ZNF320: variants seen among roughly 807,000 people sequenced by gnomAD.
ZNF320 encodes zinc finger gene 320.
A neutral mutation model predicts 6.8 loss-of-function variants in ZNF320; 2 were observed. That is an observed-to-expected ratio of 0.29 (90% CI 0.12 to 0.93). ZNF320 has a LOEUF of 0.93. Ranked by LOEUF, ZNF320 falls within the 40% of genes least tolerant of loss-of-function variation. ZNF320 has a pLI of 0.55. For synonymous variants in ZNF320, 208 were observed against 203.2 expected (o/e 1.02, Z -0.20); for missense variants, 472 against 611.0 (o/e 0.77, Z 2.40).
chr19:52,873,089 G>T (rs1453192680), downstream of ZNF320, among the ~76,000 whole-genome samples: 1 of 151,948 alleles, frequency 6.6e-6, no homozygotes, highest in Non-Finnish European at 1.5e-5. Flanking sequence ...ATGTACAATC[G>T]GGTTTTACAC....
chr19:52,896,029 C>T (rs1234254519), intron 1 of ZNF320, among the ~76,000 whole-genome samples: 2 of 152,134 alleles, frequency 1.3e-5, no homozygotes, highest in East Asian at 1.9e-4. Context: ...ATTTTGAACT[C>T]ATATCATAGT....
downstream of ZNF320, among the ~76,000 whole-genome samples, chr19:52,860,062 G>A (rs1207180873): frequency 1.6e-4 from 25 of 151,862 alleles, no homozygotes; most frequent in Non-Finnish European, 2.8e-4. Context: ...ACAGGCGCCC[G>A]CCACCACGCC....
At chr19:52,865,477 T>TATATATATATATATATGTAATAC (rs1568692755) in intron 5 of ZNF320, 1 of 43,986 alleles carries the variant, frequency 2.3e-5, no homozygotes, top group African/African-American at 8.2e-5. Context: ...ATATTACATA[T>TATATATATATATATATGTAATAC]ATATATAATA....
Position 52,887,833 on chromosome 19 carries a change from C to A in ZNF320, c.142+294G>T, listed in dbSNP as rs575622336. On this transcript the variant is annotated intron_variant, in intron 5 of 5. Transcript: ENST00000682928. ...AACTCCTGACCTGAAGTGATCCACA[C>A]ACCTCAGTCTCCCAAGGTTCTGGGA... 7.3e-4 allele frequency among the ~76,000 whole-genome samples: 111 copies of A among 152,222 alleles called. 3 individuals carry two copies. In the South Asian group the frequency reaches 0.023, roughly 32 times the overall value.
At chr19:52,883,877 C>A (rs1422871799) in intron 5 of ZNF320, among the ~76,000 whole-genome samples, 1 of 152,146 alleles carries the variant, frequency 6.6e-6, no homozygotes, top group East Asian at 1.9e-4. Flanking sequence ...CTAGCCTGGG[C>A]AACAAGATGA....
exon 6 of ZNF320, among the ~76,000 whole-genome samples, chr19:52,863,046 G>A (rs969375375): frequency 2.0e-5 from 3 of 152,014 alleles, no homozygotes; most frequent in Admixed American, 6.6e-5. Context: ...ATTGCAAACT[G>A]CCTCCTGGGC....
intron 1 of ZNF320, among the ~76,000 whole-genome samples, chr19:52,894,444 G>A (rs1004873745): frequency 2.0e-5 from 3 of 151,056 alleles, no homozygotes; most frequent in Non-Finnish European, 4.4e-5. Flanking sequence ...TTATACACCT[G>A]AGCAAAAGGA....
rs1250654202 is a variant in ZNF320, at chr19:52,897,506, T to G, written c.-270+14A>C. ...AGGGCCACTTTAAACTCGAAGGGAC[T>G]CACGGACTCTCACCCGGACGTCTCA... On this transcript the variant is annotated intron_variant, in intron 1 of 5. Transcript: ENST00000682928. 6.6e-6 allele frequency: 1 copy of G among 152,190 alleles called. No individual in the cohort carries two copies. Among genetic ancestry groups the G allele is most frequent in the Non-Finnish European group, 1.5e-5 (1 of 68,066 alleles). 9.4% of individuals were successfully genotyped at this position (152,190 alleles called of 1,614,324 possible).
chr19:52,873,369 G>A (rs547996736), downstream of ZNF320, among the ~76,000 whole-genome samples: 19 of 152,294 alleles, frequency 1.2e-4, no homozygotes, highest in African/African-American at 4.3e-4. Flanking sequence ...GGAGAATGGC[G>A]ATGCCTTTCA....
chr19:52,893,677 A>T (rs2064382617), intron 2 of ZNF320, 102 bp downstream of exon 2: 1 of 152,184 alleles, frequency 6.6e-6, no homozygotes, highest in Non-Finnish European at 1.5e-5. Flanking sequence ...CCATTAATGC[A>T]CTTCTGCACA....
chr19:52,888,346 A>T, intron 4 of ZNF320, 93 bp from the exon 5 acceptor site: 1 of 492,372 alleles, frequency 2.0e-6, no homozygotes, highest in Non-Finnish European at 3.3e-6. Context: ...CATGGATTTA[A>T]TTGCAGAGAA....
chr19:52,904,177 T>TG, the ZNF320 span, among the ~76,000 whole-genome samples: 1 of 152,240 alleles, frequency 6.6e-6, no homozygotes, highest in Non-Finnish European at 1.5e-5. Flanking sequence ...TAATCCTCCG[T>TG]GGGGGCCTGC....
rs2063920291 is a variant in ZNF320, at chr19:52,881,528, GCTT to G, written c.595_597del (p.Lys199del). On this transcript the variant is annotated inframe_deletion, in exon 6 of 6. Coordinates refer to ENST00000682928, the MANE Select transcript of ZNF320 (RefSeq NM_001351774.2). The stretch of plus-strand genomic sequence containing the variant: ...GTATGTTTTGCCAGGTGTGAATCAT[GCTT>G]AAAAGCCTTGTCGCAAACCTTACAT... 1 of 1,613,722 alleles carries G rather than the reference GCTT, an allele frequency of 6.2e-7. No homozygotes were observed. Among genetic ancestry groups the G allele is most frequent in the Non-Finnish European group, 8.5e-7 (1 of 1,179,952 alleles).
At chr19:52,873,268 T>C (rs553350920), downstream of ZNF320, among the ~76,000 whole-genome samples, 10 of 152,308 alleles carry the variant, frequency 6.6e-5, no homozygotes, top group African/African-American at 1.9e-4. Context: ...GCTGTCTCCA[T>C]TGGGGGAAAC....
intron 5 of ZNF320, among the ~76,000 whole-genome samples, chr19:52,887,585 T>C (rs2147853757): frequency 6.6e-6 from 1 of 152,238 alleles, no homozygotes; most frequent in Admixed American, 6.5e-5. Context: ...AAGTCTACCA[T>C]AAGGTTTTGT....
In ZNF320 at chr19:52,878,218, C is replaced by T. The variant is rs1600602565; in HGVS notation, c.*2378G>A. 1 of 176,198 alleles carries T rather than the reference C, an allele frequency of 5.7e-6. No individual in the cohort carries two copies. Among genetic ancestry groups the T allele is most frequent in the East Asian group, 1.5e-4 (1 of 6,838 alleles). 10.9% of individuals were successfully genotyped at this position (176,198 alleles called of 1,614,324 possible). A position where few individuals can be genotyped will look rare whatever the true frequency, so the allele number is the denominator to read the frequency against. ...CTATAAAACTTATGTGGATGGTCTG[C>T]CTGCCACTCTGTGCATCACTTTCTT... On this transcript the variant is annotated 3_prime_UTR_variant, in exon 6 of 6. Transcript: ENST00000682928.
intron 5 of ZNF320, among the ~76,000 whole-genome samples, chr19:52,882,968 A>G (rs1049851202): frequency 6.6e-6 from 1 of 151,866 alleles, no homozygotes; most frequent in Non-Finnish European, 1.5e-5. Flanking sequence ...TTAATAGCAT[A>G]TTTTTCTGAA....
chr19:52,882,553 A>C (rs1319267161), intron 5 of ZNF320, among the ~76,000 whole-genome samples: 1 of 152,224 alleles, frequency 6.6e-6, no homozygotes, highest in Non-Finnish European at 1.5e-5. Flanking sequence ...AGGCTTAGGC[A>C]CAAGAATTGA....
chr19:52,862,040 G>C (rs1378098763), exon 6 of ZNF320: 1 of 380,650 alleles, frequency 2.6e-6, no homozygotes, highest in Non-Finnish European at 5.4e-6. Context: ...GTTCGCTGAT[G>C]AACTGCAAGT....
Sources: allele counts gnomAD v4.1 joint callset (sites outside exome capture counted in the v4.1 genomes callset), GRCh38; gene constraint gnomAD v4.1.1; transcripts MANE v1.5; gene names NCBI Gene and HGNC (gene_info 2026-07-23, HGNC 2026-07-21).